MOB2: variants seen among roughly 807,000 people sequenced by gnomAD.
MOB2 encodes MOB kinase activator 2, also known as MOB2 Mps One Binder homolog.
In MOB2, 14 loss-of-function variants were observed where a neutral mutation model predicts 27.4. The observed-to-expected ratio is 0.51, with a 90% CI of 0.34 to 0.80. The LOEUF is 0.80. MOB2 is among the 30% of genes least tolerant of loss of function. The pLI is 0.01. For synonymous variants in MOB2, 167 were observed against 151.8 expected, an observed-to-expected ratio of 1.10 and a Z score of -0.74; for missense variants, 304 against 354.6, an observed-to-expected ratio of 0.86 and a Z score of 1.15.
intron 3 of MOB2, 83 bp from the exon 4 acceptor site, chr11:1,471,502 C>G (rs1001860678): frequency 6.6e-6 from 10 of 1,525,936 alleles, no homozygotes; most frequent in East Asian, 2.3e-5. Flanking sequence ...AGGTCATCTG[C>G]GGGCAGAGGT....
rs1012966426 is a variant in MOB2 at position 1,486,707 on chromosome 11, G to C, written c.-151C>G. ...ACAGCTGCCCCCTTTCCAGAGGCAA[G>C]GGCTGGCCAAGGCTGGTGAAACGAG... On this transcript the variant is annotated 5_prime_UTR_variant, in exon 1 of 5. Transcript: ENST00000329957. 4 of 614,852 alleles carry C rather than the reference G, an allele frequency of 6.5e-6. No individual in the cohort carries two copies. The highest frequency in any genetic ancestry group is 1.8e-5 in the African/African-American group (1 of 54,290). 38.1% of individuals were successfully genotyped at this position (614,852 alleles called of 1,614,324 possible).
intron 3 of MOB2, among the ~76,000 whole-genome samples, chr11:1,475,315 C>G (rs1847840364): frequency 4.1e-5 from 1 of 24,556 alleles, no homozygotes; most frequent in South Asian, 1.1e-3. Flanking sequence ...GAGGTTTTCC[C>G]AATCACACGT....
intron 3 of MOB2, chr11:1,473,084 CCCTCCCAGCACCCA>C (rs984937555): frequency 6.5e-6 from 1 of 152,894 alleles, no homozygotes; most frequent in Non-Finnish European, 1.5e-5. Flanking sequence ...TAGGACAACC[CCCTCCCAGCACCCA>C]CCTCCAGAAT....
At chr11:1,474,381 A>G (rs1847830639) in intron 3 of MOB2, among the ~76,000 whole-genome samples, 1 of 152,176 alleles carries the variant, frequency 6.6e-6, no homozygotes, top group Admixed American at 6.5e-5. Context: ...TCTTTCTCTT[A>G]AAAGTGTCTT....
intron 3 of MOB2, 25 bp from the exon 4 acceptor site, chr11:1,471,444 G>A (rs61867516): frequency 7.7e-5 from 123 of 1,595,614 alleles, no homozygotes; most frequent in Non-Finnish European, 1.0e-4. Context: ...ACACGGTCAG[G>A]GCATGCGCCC....
At chr11:1,481,025 A>G in intron 1 of MOB2, 140 bp from the exon 2 acceptor site, 1 of 1,044,764 alleles carries the variant, frequency 9.6e-7, no homozygotes, top group Non-Finnish European at 1.4e-6. Context: ...TGCCAGGCTC[A>G]AAGGACACCA....
intron 2 of MOB2, 114 bp from the exon 3 acceptor site, chr11:1,480,600 A>C (rs1315328928): frequency 6.5e-7 from 1 of 1,529,546 alleles, no homozygotes; most frequent in African/African-American, 1.4e-5. Context: ...CTGCCCGTCC[A>C]CGGGCCACAT....
At chr11:1,470,803 G>A (rs1026285746) in intron 4 of MOB2, among the ~76,000 whole-genome samples, 3 of 137,472 alleles carry the variant, frequency 2.2e-5, no homozygotes, top group South Asian at 5.0e-4. Context: ...TCGGGCACTC[G>A]GGCCCCCGTG....
chr11:1,476,187 A>G (rs1353840073), intron 3 of MOB2, among the ~76,000 whole-genome samples: 2 of 152,196 alleles, frequency 1.3e-5, no homozygotes, highest in Non-Finnish European at 2.9e-5. Context: ...TCCATTAACT[A>G]TTTTCAGACC....
chr11:1,482,762 C>T (rs948969783), intron 1 of MOB2, among the ~76,000 whole-genome samples: 2 of 152,232 alleles, frequency 1.3e-5, no homozygotes, highest in Admixed American at 1.3e-4. Context: ...CGGGCACTGG[C>T]CCAAAGGTAG....
chr11:1,474,920 A>C (rs1356065152), intron 3 of MOB2, among the ~76,000 whole-genome samples: 1 of 152,220 alleles, frequency 6.6e-6, no homozygotes, highest in Non-Finnish European at 1.5e-5. Context: ...ATTTCAGTTA[A>C]TTTGTCCCTC....
At chr11:1,484,090 C>A (rs1461320229) in intron 1 of MOB2, among the ~76,000 whole-genome samples, 3 of 152,198 alleles carry the variant, frequency 2.0e-5, no homozygotes, top group Non-Finnish European at 4.4e-5. Flanking sequence ...GGGATGGAAT[C>A]CTGGCCAGGC....
intron 3 of MOB2, among the ~76,000 whole-genome samples, chr11:1,479,021 C>T (rs1414343260): frequency 1.3e-5 from 2 of 152,220 alleles, no homozygotes; most frequent in Admixed American, 6.5e-5. Flanking sequence ...CTACTACCAC[C>T]ATGATGCCAG....
At position 1,471,340 on chromosome 11, in the gene MOB2, C is replaced by A. The variant is rs765003874; in HGVS notation, c.445G>T (p.Val149Leu). 4 of 1,613,562 alleles carry A rather than the reference C, an allele frequency of 2.5e-6. No individual in the cohort carries two copies. Among genetic ancestry groups the A allele is most frequent in the Non-Finnish European group, 3.4e-6 (4 of 1,179,824 alleles). Reference protein sequence around the residue: ...PQYVDFVMSSVQKLVTDEDVF... With the variant: ...PQYVDFVMSSLQKLVTDEDVF... ...TCCTCATCCGTCACCAGCTTCTGCA[C>A]GGAGCTCATGACGAAGTCAACGTAC... Residue 149 changes from valine to leucine, a missense_variant, in exon 4 of 5, where the codon GTG becomes TTG. By Grantham distance (32) the Val-to-Leu change is conservative. Coordinates refer to ENST00000329957, the MANE Select transcript of MOB2 (RefSeq NM_001172223.3).
rs763117545 is a variant in MOB2 at position 1,480,410 on chromosome 11, C to G, written c.348G>C (p.Thr116=). The change falls in exon 3 of 5, where the codon ACG becomes ACC. Residue 116 remains threonine (T), a synonymous_variant. Coordinates refer to ENST00000329957, the MANE Select transcript of MOB2 (RefSeq NM_001172223.3). ...SEFCTGETCQ[T]MAVCNTQYYW... ...GCACTCACGTGTTGCACACGGCCATCGTCTGACACGTCTCTCCTGTGCAGA... is the reference window on the plus strand; with the variant it reads ...GCACTCACGTGTTGCACACGGCCATGGTCTGACACGTCTCTCCTGTGCAGA... 5 of 1,613,674 alleles carry G rather than the reference C, an allele frequency of 3.1e-6. No homozygotes were observed. In the East Asian group the frequency reaches 1.1e-4, roughly 36 times the overall value.
chr11:1,471,765 G>A (rs756418487), intron 3 of MOB2: 3 of 200,900 alleles, frequency 1.5e-5, no homozygotes, highest in African/African-American at 2.3e-5. Context: ...ACACAAGTGC[G>A]TGCTGCTGTT....
Position 1,471,295 on chromosome 11 carries a change from C to T in MOB2, c.490G>A (p.Gly164Ser), listed in dbSNP as rs1847786695. Residue 164 changes from glycine (G) to serine (S), a missense_variant and splice_region_variant, in exon 4 of 5, where the codon GGC becomes AGC. Coordinates refer to ENST00000329957, the MANE Select transcript of MOB2 (RefSeq NM_001172223.3). ...CCGCCCAGTGCTGGGGGAGACGAACCGTATTTTGTGGGGAACACGTCCTCA... is the reference window on the plus strand; with the variant it reads ...CCGCCCAGTGCTGGGGGAGACGAACTGTATTTTGTGGGGAACACGTCCTCA... ...TDEDVFPTKY[G>S]REFPSSFESL... 1 of 1,611,946 alleles carries T rather than the reference C, an allele frequency of 6.2e-7. No homozygotes were observed. The highest frequency in any genetic ancestry group is 8.5e-7 in the Non-Finnish European group (1 of 1,179,120).
At chr11:1,474,062 A>C (rs1430820070) in intron 3 of MOB2, among the ~76,000 whole-genome samples, 1 of 152,250 alleles carries the variant, frequency 6.6e-6, no homozygotes, top group Non-Finnish European at 1.5e-5. Flanking sequence ...CCCTGCCAGC[A>C]GAACAGAGTC....
intron 1 of MOB2, among the ~76,000 whole-genome samples, chr11:1,483,983 G>C (rs1406584549): frequency 1.3e-5 from 2 of 152,182 alleles, no homozygotes; most frequent in African/African-American, 2.4e-5. Flanking sequence ...CTGGGGAGTG[G>C]GCTGGGAGCC....
Sources: allele counts gnomAD v4.1 joint callset (sites outside exome capture counted in the v4.1 genomes callset), GRCh38; gene constraint gnomAD v4.1.1; transcripts MANE v1.5; gene names NCBI Gene and HGNC (gene_info 2026-07-23, HGNC 2026-07-21).